Variants in SPINK9 observed in about 807,000 individuals in gnomAD.
SPINK9 encodes serine protease inhibitor Kazal-type 9.
A neutral mutation model predicts 10.8 loss-of-function variants in SPINK9; 3 were observed. The observed-to-expected ratio is 0.28, with a 90% CI of 0.13 to 0.72. The LOEUF (loss-of-function observed/expected upper bound fraction) is 0.72, where lower values mean the gene tolerates loss of function less well. Among genes scored for constraint, SPINK9 ranks in the 30% least tolerant of loss-of-function variants. SPINK9 has a pLI of 0.74. For missense variants in SPINK9, 101 were observed against 103.2 expected (o/e 0.98, Z 0.09); for synonymous variants, 30 against 31.2 (o/e 0.96, Z 0.12).
Position 148,330,206 on chromosome 5 carries a change from T to A in SPINK9, c.119-6216T>A, listed in dbSNP as rs1249770189. Among the ~76,000 whole-genome samples, 256 of 152,204 alleles carry A rather than the reference T, an allele frequency of 1.7e-3. 1 individual carries two copies. Among genetic ancestry groups the A allele is most frequent in the Non-Finnish European group, 2.4e-3 (165 of 67,974 alleles). On this transcript the variant is annotated intron_variant, in intron 2 of 4. Coordinates refer to the SPINK9 transcript ENST00000511717. ...GGGTGCTCCTGTATTGGGTGCACAT[T>A]TATTTAGGATAGTTAGTTCTTCTTG...
chr5:148,328,165 A>G (rs1241877645), intron 2 of SPINK9, among the ~76,000 whole-genome samples: 10 of 152,098 alleles, frequency 6.6e-5, no homozygotes, highest in Admixed American at 3.9e-4. Flanking sequence ...ATTTGTTTGT[A>G]TCCTCTTTTA....
intron 2 of SPINK9, among the ~76,000 whole-genome samples, chr5:148,336,804 T>A (rs1395897651): frequency 1.3e-5 from 2 of 152,214 alleles, no homozygotes; most frequent in East Asian, 3.9e-4. Context: ...GGGCAAGTCA[T>A]GATTCTTATA....
intron 1 of SPINK9, among the ~76,000 whole-genome samples, chr5:148,322,499 A>C (rs914911595): frequency 6.6e-6 from 1 of 152,174 alleles, no homozygotes; most frequent in Non-Finnish European, 1.5e-5. Flanking sequence ...AAAATGCTTC[A>C]TTGCTTATGT....
chr5:148,325,027 T>C (rs936218236), intron 2 of SPINK9, among the ~76,000 whole-genome samples: 1 of 152,122 alleles, frequency 6.6e-6, no homozygotes, highest in Non-Finnish European at 1.5e-5. Context: ...AATAAAATCA[T>C]GCAATATGTG....
At chr5:148,323,093 A>G (rs1300736090) in intron 1 of SPINK9, among the ~76,000 whole-genome samples, 1 of 152,238 alleles carries the variant, frequency 6.6e-6, no homozygotes, top group Non-Finnish European at 1.5e-5. Flanking sequence ...GCATATTTTT[A>G]ATGTATGAAA....
At chr5:148,329,503 C>T (rs1445644015) in intron 2 of SPINK9, among the ~76,000 whole-genome samples, 6 of 152,166 alleles carry the variant, frequency 3.9e-5, no homozygotes, top group Non-Finnish European at 7.3e-5. Context: ...GTCTTTATCT[C>T]CTTCAGTTCC....
At chr5:148,334,595 C>T (rs1757191223), upstream of SPINK9, among the ~76,000 whole-genome samples, 1 of 151,938 alleles carries the variant, frequency 6.6e-6, no homozygotes, top group South Asian at 2.1e-4. Flanking sequence ...CCTGTAATCC[C>T]AGCTACTTGG....
At chr5:148,331,474 C>T (rs74430126), upstream of SPINK9, among the ~76,000 whole-genome samples, 853 of 152,080 alleles carry the variant, frequency 5.6e-3, 33 homozygotes, top group East Asian at 0.1. Context: ...AGCTATGGGT[C>T]GGGAAGTGGA....
chr5:148,327,582 T>C (rs1440360806), intron 2 of SPINK9, among the ~76,000 whole-genome samples: 17 of 152,132 alleles, frequency 1.1e-4, no homozygotes, highest in African/African-American at 4.1e-4. Context: ...TCCTTGCCCA[T>C]GCCTATGTCC....
intron 2 of SPINK9, among the ~76,000 whole-genome samples, chr5:148,325,162 T>C (rs1895354): frequency 0.028 from 4,217 of 152,206 alleles, 190 homozygotes; most frequent in African/African-American, 0.095. Flanking sequence ...TATATGACAT[T>C]CAATCATTCA....
upstream of SPINK9, chr5:148,335,482 C>T (rs1757204327): frequency 2.8e-6 from 2 of 719,796 alleles, no homozygotes; most frequent in Non-Finnish European, 4.7e-6. Context: ...TGGAGTTGTA[C>T]TACTTAGAAA....
At position 148,336,407 on chromosome 5, in the gene SPINK9, T is replaced by C. The variant is rs550802188; in HGVS notation, c.56-15T>C. ...TCCAGAGTTTAATATTGCCTTGTCT[T>C]TGTTTTTCTTCCAGGTATAGAATGT... On this transcript the variant is annotated splice_polypyrimidine_tract_variant and intron_variant, in intron 1 of 3. Transcript: ENST00000377906. 8 of 1,613,304 alleles carry C rather than the reference T, an allele frequency of 5.0e-6. No homozygotes were observed. In the East Asian group the frequency reaches 1.8e-4, roughly 36 times the overall value.
At chr5:148,325,824 C>T (rs1381805091) in intron 2 of SPINK9, among the ~76,000 whole-genome samples, 6 of 152,074 alleles carry the variant, frequency 3.9e-5, no homozygotes, top group African/African-American at 1.4e-4. Context: ...CTAAGATTTA[C>T]ACTTTGGGTT....
At chr5:148,327,587 A>G (rs1436608567) in intron 2 of SPINK9, among the ~76,000 whole-genome samples, 1 of 152,040 alleles carries the variant, frequency 6.6e-6, no homozygotes, top group Non-Finnish European at 1.5e-5. Context: ...GCCCATGCCT[A>G]TGTCCTGAAT....
rs1215944613 is a variant in SPINK9, at chr5:148,338,500, A to G, written c.110A>G (p.Lys37Arg). The G allele has an allele frequency of 1.9e-6, 3 of 1,604,326 alleles. No individual in the cohort carries two copies. The highest frequency in any genetic ancestry group is 2.3e-5 in the South Asian group (2 of 88,418). Residue 37 changes from lysine to arginine, a missense_variant, in exon 3 of 4, where the codon AAG becomes AGG. Coordinates refer to ENST00000377906, the MANE Select transcript of SPINK9 (RefSeq NM_001040433.2). ...KQMVDCSHYK[K>R]LPPGQQRFCH... is the part of the protein sequence containing the mutation. ...CAGGTTGACTGCAGTCATTATAAAA[A>G]GTTACCACCAGGACAACAGAGATTT... is the stretch of plus-strand genomic sequence containing the variant.
intron 2 of SPINK9, chr5:148,323,913 C>A (rs1259234497): frequency 6.0e-6 from 4 of 666,226 alleles, no homozygotes; most frequent in East Asian, 2.7e-5. Flanking sequence ...TAAAGTATTT[C>A]TTTCCTTACT....
chr5:148,333,893 T>G (rs1275059025), upstream of SPINK9, among the ~76,000 whole-genome samples: 3 of 152,242 alleles, frequency 2.0e-5, no homozygotes, highest in Non-Finnish European at 4.4e-5. Flanking sequence ...AGTATACTTA[T>G]AGCAGTTACA....
At chr5:148,335,693 C>T in intron 1 of SPINK9, 25 bp downstream of exon 1, 1 of 1,611,766 alleles carries the variant, frequency 6.2e-7, no homozygotes, top group Non-Finnish European at 8.5e-7. Flanking sequence ...TAATACTGCC[C>T]CTGCCCTTGT....
chr5:148,335,764 AAAT>A, intron 1 of SPINK9, 96 bp downstream of exon 1: 1 of 1,402,800 alleles, frequency 7.1e-7, no homozygotes, highest in Non-Finnish European at 9.9e-7. Context: ...TTCATCACAT[AAAT>A]AATAAGGGAA....
Sources: allele counts gnomAD v4.1 joint callset (sites outside exome capture counted in the v4.1 genomes callset), GRCh38; gene constraint gnomAD v4.1.1; transcripts MANE v1.5; gene names NCBI Gene and HGNC (gene_info 2026-07-23, HGNC 2026-07-21).